The following UGT1A4 variants were observed in gnomAD, a reference collection of about 807,000 sequenced individuals.
The protein encoded by UGT1A4 is UDP-glucuronosyltransferase 1A4.
UGT1A4 carries 32 observed loss-of-function variants against 41.1 expected under a neutral mutation model. The observed-to-expected ratio is 0.78, with a 90% CI of 0.59 to 1.05. The LOEUF (loss-of-function observed/expected upper bound fraction) is 1.05. UGT1A4 is among the 50% of genes least tolerant of loss of function. The pLI, the probability that UGT1A4 is intolerant of heterozygous loss-of-function variation, is 0.00. For synonymous variants in UGT1A4, 283 were observed against 265.1 expected (o/e 1.07, Z -0.66); for missense variants, 748 against 677.4 (o/e 1.10, Z -1.16).
chr2:233,768,549 A>C, intron 4 of UGT1A4, 110 bp downstream of exon 4: 1 of 1,483,956 alleles, frequency 6.7e-7, no homozygotes, highest in Non-Finnish European at 8.9e-7. Flanking sequence ...AAATATAAAA[A>C]CAAATACATA....
At chr2:233,755,200 G>T in intron 1 of UGT1A4, 1 of 1,105,696 alleles carries the variant, frequency 9.0e-7, no homozygotes, top group Non-Finnish European at 1.3e-6. Context: ...GCCAGCTTGC[G>T]GTACGCCTTC....
At chr2:233,730,406 G>A (rs538447912) in intron 1 of UGT1A4, among the ~76,000 whole-genome samples, 13 of 152,316 alleles carry the variant, frequency 8.5e-5, no homozygotes, top group African/African-American at 3.1e-4. Flanking sequence ...AATTACAATT[G>A]TTGACATGAT....
At position 233,719,562 on chromosome 2, in the gene UGT1A4, C is replaced by T. The variant is rs1164668665; in HGVS notation, c.742C>T (p.Leu248Phe). 6.2e-7 allele frequency: 1 copy of T among 1,613,782 alleles called. No individual in the cohort carries two copies. The highest frequency in any genetic ancestry group is 1.3e-5 in the African/African-American group (1 of 74,896). ...LFQREVSVVD[L>F]VSYASVWLFR... ...TCAGAGAGAGGTGTCAGTGGTGGATCTTGTCAGCTATGCATCCGTGTGGCT... is the reference window on the plus strand; with the variant it reads ...TCAGAGAGAGGTGTCAGTGGTGGATTTTGTCAGCTATGCATCCGTGTGGCT... Residue 248 changes from leucine to phenylalanine, a missense_variant, in exon 1 of 5, where the codon CTT becomes TTT. Transcript: ENST00000373409.
At chr2:233,772,010 G>A (rs538941446) in intron 4 of UGT1A4, among the ~76,000 whole-genome samples, 1 of 152,306 alleles carries the variant, frequency 6.6e-6, no homozygotes, top group Admixed American at 6.5e-5. Flanking sequence ...CTACTCTGGA[G>A]GCTGAGGCAG....
At position 233,729,693 on chromosome 2, in the gene UGT1A4, C is replaced by T. The variant is rs45474199; in HGVS notation, c.867+10006C>T. On this transcript the variant is annotated intron_variant, in intron 1 of 4. Coordinates refer to ENST00000373409, the MANE Select transcript of UGT1A4 (RefSeq NM_007120.3). ...ACTTTAAGGGCACACAGTGTCCAAA[C>T]CCTTCCTCCTATATTCCTAGATTAC... 1,325 of 1,613,958 alleles carry T rather than the reference C, an allele frequency of 8.2e-4. 6 individuals carry two copies. Among genetic ancestry groups the T allele is most frequent in the South Asian group, 5.6e-3 (506 of 91,066 alleles).
intron 1 of UGT1A4, among the ~76,000 whole-genome samples, chr2:233,730,680 C>A (rs1218688522): frequency 6.6e-6 from 1 of 152,088 alleles, no homozygotes; most frequent in Admixed American, 6.6e-5. Context: ...GTAATGGTTG[C>A]ATCTCAAATG....
intron 1 of UGT1A4, among the ~76,000 whole-genome samples, chr2:233,732,497 G>A (rs2078278332): frequency 6.6e-6 from 1 of 152,228 alleles, no homozygotes; most frequent in Non-Finnish European, 1.5e-5. Flanking sequence ...TAAGGCGTAA[G>A]GAAGGGATCC....
chr2:233,761,011 G>T, intron 1 of UGT1A4: 1 of 1,614,156 alleles, frequency 6.2e-7, no homozygotes, highest in Non-Finnish European at 8.5e-7. Context: ...TCAGAGAGAG[G>T]TGACTGTCCA....
chr2:233,755,000 G>C, intron 1 of UGT1A4: 1 of 1,293,096 alleles, frequency 7.7e-7, no homozygotes, highest in Non-Finnish European at 1.0e-6. Flanking sequence ...GGAAGCTGAA[G>C]ACCTACTCGA....
chr2:233,773,091 G>A lies in UGT1A4; in HGVS notation c.*532G>A, dbSNP rs1278315823. 2 of 162,100 alleles carry A rather than the reference G, an allele frequency of 1.2e-5. No homozygotes were observed. The highest frequency in any genetic ancestry group is 4.8e-5 in the African/African-American group (2 of 41,532). The allele number at this position is 162,100 out of a possible 1,614,324, so 10.0% of individuals were successfully genotyped here. ...ATGAATGAATGGCTTGGAGTGCACT[G>A]AGAACAGCATATGATTTCTTGCTTT... On this transcript the variant is annotated 3_prime_UTR_variant, in exon 5 of 5. Transcript: ENST00000373409.
chr2:233,738,576 G>A (rs1326024752), intron 1 of UGT1A4, among the ~76,000 whole-genome samples: 1 of 152,168 alleles, frequency 6.6e-6, no homozygotes, highest in Non-Finnish European at 1.5e-5. Context: ...TTGAGAACTG[G>A]AGCAAAGGTC....
chr2:233,741,097 A>C (rs1691564364), intron 1 of UGT1A4, among the ~76,000 whole-genome samples: 1 of 151,840 alleles, frequency 6.6e-6, no homozygotes, highest in South Asian at 2.1e-4. Flanking sequence ...ACAAGCAAAC[A>C]GACAATCAAG....
chr2:233,746,870 G>C (rs544593514), intron 1 of UGT1A4, among the ~76,000 whole-genome samples: 1 of 151,786 alleles, frequency 6.6e-6, no homozygotes, highest in Admixed American at 6.5e-5. Context: ...CCTGATAAAC[G>C]TGGTTAACAG....
At chr2:233,727,382 C>T (rs1283832828) in intron 1 of UGT1A4, among the ~76,000 whole-genome samples, 4 of 152,134 alleles carry the variant, frequency 2.6e-5, no homozygotes, top group African/African-American at 7.2e-5. Context: ...TCTGGAGTAC[C>T]ACCGTCTTCC....
At chr2:233,721,607 A>C (rs1233448854) in intron 1 of UGT1A4, 2 of 179,574 alleles carry the variant, frequency 1.1e-5, no homozygotes, top group Non-Finnish European at 1.2e-5. Flanking sequence ...GTTTAGGAAC[A>C]ATTTGTTCCT....
intron 1 of UGT1A4, among the ~76,000 whole-genome samples, chr2:233,763,620 C>T (rs1442912826): frequency 6.6e-6 from 1 of 152,168 alleles, no homozygotes; most frequent in African/African-American, 2.4e-5. Flanking sequence ...ACTACCATTC[C>T]TCTTGTGTTG....
At chr2:233,747,911 C>A (rs1693810314) in intron 1 of UGT1A4, 1 of 1,613,394 alleles carries the variant, frequency 6.2e-7, no homozygotes, top group Non-Finnish European at 8.5e-7. Flanking sequence ...CTTATGCAAG[C>A]CTTGCCTCTG....
At chr2:233,754,747 A>G (rs527716521) in intron 1 of UGT1A4, 1 of 765,704 alleles carries the variant, frequency 1.3e-6, no homozygotes, top group African/African-American at 1.8e-5. Context: ...GACATGCAGA[A>G]GGAAGAAAGG....
chr2:233,761,878 A>G (rs1435325744), intron 1 of UGT1A4, among the ~76,000 whole-genome samples: 1 of 152,196 alleles, frequency 6.6e-6, no homozygotes, highest in African/African-American at 2.4e-5. Flanking sequence ...GAGAGCGTTC[A>G]TTCACTTATC....
Sources: allele counts gnomAD v4.1 joint callset (sites outside exome capture counted in the v4.1 genomes callset), GRCh38; gene constraint gnomAD v4.1.1; transcripts MANE v1.5; gene names NCBI Gene and HGNC (gene_info 2026-07-23, HGNC 2026-07-21).